VPS41: variants seen among roughly 807,000 people sequenced by gnomAD.
The protein encoded by VPS41 is VPS41 subunit of HOPS complex, also known as vacuolar protein sorting-associated protein 41 homolog.
In VPS41, 85 loss-of-function variants were observed where a neutral mutation model predicts 130.9. That is an observed-to-expected ratio of 0.65 (90% confidence interval 0.55 to 0.78). The LOEUF (loss-of-function observed/expected upper bound fraction) is 0.78. Ranked by LOEUF, VPS41 falls within the 30% of genes least tolerant of loss-of-function variation. The pLI, the probability that VPS41 is intolerant of heterozygous loss-of-function variation, is 0.00. For missense variants in VPS41, 874 were observed against 1,018.7 expected (o/e 0.86, Z 1.93); for synonymous variants, 335 against 332.9 (o/e 1.01, Z -0.07).
intron 19 of VPS41, among the ~76,000 whole-genome samples, chr7:38,755,415 G>C (rs1345133396): frequency 6.6e-6 from 1 of 152,194 alleles, no homozygotes; most frequent in Non-Finnish European, 1.5e-5. Flanking sequence ...GAGTCAGAAA[G>C]AGAATGAGAT....
intron 4 of VPS41, among the ~76,000 whole-genome samples, chr7:38,840,816 G>C (rs1464673010): frequency 6.6e-6 from 1 of 152,200 alleles, no homozygotes; most frequent in Non-Finnish European, 1.5e-5. Flanking sequence ...TTAAAAGTGA[G>C]AAGAGAGGAC....
chr7:38,760,782 C>G (rs2286085), intron 17 of VPS41, among the ~76,000 whole-genome samples: 54,065 of 151,718 alleles, frequency 0.36, 10,193 homozygotes, highest in Admixed American at 0.56. Context: ...TACATTATTA[C>G]TATTAAATAA....
chr7:38,894,966 AT>A (rs1443029015), intron 2 of VPS41, among the ~76,000 whole-genome samples: 1 of 152,198 alleles, frequency 6.6e-6, no homozygotes, highest in Non-Finnish European at 1.5e-5. Context: ...GCCAAGTCTC[AT>A]TCCCTAACTT....
intron 8 of VPS41, chr7:38,796,277 A>G: frequency 3.0e-6 from 1 of 332,248 alleles, no homozygotes. Flanking sequence ...TAGCAAGTAA[A>G]CTTTAAGTTA....
chr7:38,796,533 T>C (rs1486604856), intron 8 of VPS41: 7 of 710,956 alleles, frequency 9.8e-6, no homozygotes, highest in Admixed American at 2.1e-5. Context: ...TACTCTAAAA[T>C]AGATTCCAGA....
chr7:38,745,007 G>A (rs1255680148), intron 23 of VPS41, among the ~76,000 whole-genome samples: 2 of 152,226 alleles, frequency 1.3e-5, no homozygotes, highest in Non-Finnish European at 2.9e-5. Flanking sequence ...TCATGCACGT[G>A]GCTCATTTTG....
chr7:38,728,759 G>T lies in VPS41; in HGVS notation c.2292C>A (p.Leu764=), dbSNP rs201608669. The change falls in exon 26 of 29, where the codon CTC becomes CTA. Residue 764 remains leucine, a synonymous_variant. Transcript: ENST00000310301. ...ILLREGCKKI[L]VADSLSLLKK... ...TCAGTAAGGACAAAGAGTCAGCTAC[G>T]AGAATCTTCTTGCAGCCTTCACGAA... 2 of 1,614,102 alleles carry T rather than the reference G, an allele frequency of 1.2e-6. No individual in the cohort carries two copies. Among genetic ancestry groups the T allele is most frequent in the Admixed American group, 3.3e-5 (2 of 60,014 alleles).
At chr7:38,877,657 C>T (rs1417987653) in intron 2 of VPS41, among the ~76,000 whole-genome samples, 1 of 152,132 alleles carries the variant, frequency 6.6e-6, no homozygotes, top group Non-Finnish European at 1.5e-5. Context: ...TTGCTAACCA[C>T]CCCCACCAAA....
intron 4 of VPS41, among the ~76,000 whole-genome samples, chr7:38,846,712 T>C (rs973435939): frequency 6.6e-6 from 1 of 152,308 alleles, no homozygotes; most frequent in East Asian, 1.9e-4. Flanking sequence ...GGGAGATCAG[T>C]TGGGTTTTAC....
At chr7:38,834,646 A>G (rs938978968) in intron 4 of VPS41, among the ~76,000 whole-genome samples, 1 of 152,176 alleles carries the variant, frequency 6.6e-6, no homozygotes, top group Admixed American at 6.5e-5. Flanking sequence ...GATCTGTTTT[A>G]CTACACGTTT....
rs3056367 is a variant in VPS41 at position 38,815,924 on chromosome 7, C to CTATATATA, written c.450+1885_450+1892dup. The stretch of plus-strand genomic sequence containing the variant: ...TGAGTTAATACTCCCCAATAAACTA[C>CTATATATA]TATATATATATATATATACACATAT... On this transcript the variant is annotated intron_variant, in intron 7 of 28. Coordinates refer to ENST00000310301, the MANE Select transcript of VPS41 (RefSeq NM_014396.4). 2.7e-4 allele frequency among the ~76,000 whole-genome samples: 41 copies of CTATATATA among 150,140 alleles called. 1 individual carries two copies. The East Asian group carries it at 2.7e-3, about 10-fold the overall frequency.
chr7:38,793,993 A>G (rs1241679719), intron 9 of VPS41, among the ~76,000 whole-genome samples: 1 of 152,226 alleles, frequency 6.6e-6, no homozygotes, highest in Non-Finnish European at 1.5e-5. Flanking sequence ...AGAAACATTT[A>G]TAGGTTCTAG....
chr7:38,834,571 A>G (rs964472872), intron 4 of VPS41, among the ~76,000 whole-genome samples: 3 of 152,150 alleles, frequency 2.0e-5, no homozygotes, highest in Non-Finnish European at 4.4e-5. Flanking sequence ...GAACACTGTG[A>G]TTAGGAAGAG....
At chr7:38,820,565 CT>C in intron 6 of VPS41, among the ~76,000 whole-genome samples, 2 of 152,232 alleles carry the variant, frequency 1.3e-5, no homozygotes, top group Middle Eastern at 6.8e-3. Context: ...TTACTTTGTT[CT>C]TAAATATTTA....
In VPS41 at chr7:38,724,341, T is replaced by C. The variant is rs1795494543; in HGVS notation, c.*1905A>G. 6.6e-6 allele frequency: 1 copy of C among 152,156 alleles called. No homozygotes were observed. Among genetic ancestry groups the C allele is most frequent in the South Asian group, 2.1e-4 (1 of 4,836 alleles). The allele number at this position is 152,156 out of a possible 1,614,324, so 9.4% of individuals were successfully genotyped here. On this transcript the variant is annotated 3_prime_UTR_variant, in exon 29 of 29. Coordinates refer to ENST00000310301, the MANE Select transcript of VPS41 (RefSeq NM_014396.4). ...ATAAACTGAATCTGTAAATTGGTAA[T>C]GTTGAAAAGAAAAAACAATTGGGTA...
rs368618369 is a variant in VPS41, at chr7:38,765,699, T to C, written c.1248-38A>G. The C allele has an allele frequency of 2.1e-5, 30 of 1,409,770 alleles. No homozygotes were observed. Among genetic ancestry groups the C allele is most frequent in the Non-Finnish European group, 2.9e-5 (30 of 1,023,898 alleles). 87.3% of individuals were successfully genotyped at this position (1,409,770 alleles called of 1,614,324 possible). On this transcript the variant is annotated intron_variant, in intron 15 of 28. Coordinates refer to ENST00000310301, the MANE Select transcript of VPS41 (RefSeq NM_014396.4). ...ACATCCCAGGCAGAAAGAAAGTATATATTAAAAAAACAAAAAACAAACAGA... is the reference window on the plus strand; with the variant it reads ...ACATCCCAGGCAGAAAGAAAGTATACATTAAAAAAACAAAAAACAAACAGA...
intron 7 of VPS41, among the ~76,000 whole-genome samples, chr7:38,817,122 T>C (rs1195049132): frequency 6.6e-6 from 1 of 151,318 alleles, no homozygotes. Flanking sequence ...CCATAACTGC[T>C]CTAAAAGTTT....
At chr7:38,844,036 C>T (rs1376036349) in intron 4 of VPS41, among the ~76,000 whole-genome samples, 2 of 152,138 alleles carry the variant, frequency 1.3e-5, no homozygotes, top group African/African-American at 2.4e-5. Context: ...GCTTTCTAAG[C>T]GAAAGGTATT....
chr7:38,822,215 C>T (rs1250045982), intron 5 of VPS41, among the ~76,000 whole-genome samples: 1 of 152,068 alleles, frequency 6.6e-6, no homozygotes, highest in East Asian at 1.9e-4. Flanking sequence ...AAAACACATG[C>T]TATAAAAAAT....
Sources: gnomAD v4.1 joint callset for allele counts (sites outside exome capture counted in the v4.1 genomes callset) on GRCh38, gnomAD v4.1.1 for gene constraint, MANE v1.5 for transcripts, NCBI Gene and HGNC (gene_info 2026-07-23, HGNC 2026-07-21) for gene names.